MYO16: variants seen among roughly 807,000 people sequenced by gnomAD.
MYO16 encodes unconventional myosin-XVI.
A neutral mutation model predicts 205.3 loss-of-function variants in MYO16; 94 were observed. That is an observed-to-expected ratio of 0.46 (90% CI 0.39 to 0.54). The LOEUF (loss-of-function observed/expected upper bound fraction) is 0.54. MYO16 is among the 20% of genes least tolerant of loss of function. The pLI, the probability that MYO16 is intolerant of heterozygous loss-of-function variation, is 0.00. For synonymous variants in MYO16, 988 were observed against 954.0 expected, an observed-to-expected ratio of 1.04 and a Z score of -0.66; for missense variants, 2,315 against 2,387.5, an observed-to-expected ratio of 0.97 and a Z score of 0.63.
chr13:109,022,244 T>C lies in MYO16; in HGVS notation c.2796+2333T>C, dbSNP rs1285121490. On this transcript the variant is annotated intron_variant, in intron 23 of 34. Transcript: ENST00000457511. ...TATATATTATATATATGTATATATT[T>C]ATATATACAAATATATATACATATA... Among the ~76,000 whole-genome samples, 4 of 131,242 alleles carry C rather than the reference T, an allele frequency of 3.0e-5. No individual in the cohort carries two copies. The East Asian group carries it at 8.0e-4, about 26-fold the overall frequency. 86.1% of individuals were successfully genotyped at this position (131,242 alleles called of 152,430 possible). A position where few individuals can be genotyped will look rare whatever the true frequency, so the allele number is the denominator to read the frequency against.
chr13:109,108,340 G>T (rs1034292339), intron 28 of MYO16, among the ~76,000 whole-genome samples: 1 of 152,176 alleles, frequency 6.6e-6, no homozygotes, highest in African/African-American at 2.4e-5. Context: ...CAGTGCGTTT[G>T]GGTGATATGT....
intron 31 of MYO16, among the ~76,000 whole-genome samples, chr13:109,130,833 C>A (rs1390280182): frequency 6.6e-6 from 1 of 152,218 alleles, no homozygotes; most frequent in Non-Finnish European, 1.5e-5. Flanking sequence ...GCAGTAGCCA[C>A]TAGGCACACG....
At chr13:108,665,204 C>T (rs1397858709) in intron 1 of MYO16, among the ~76,000 whole-genome samples, 1 of 152,130 alleles carries the variant, frequency 6.6e-6, no homozygotes, top group Non-Finnish European at 1.5e-5. Flanking sequence ...CCCACCTCAG[C>T]CTCCAAGCAG....
At chr13:108,580,779 G>A in the MYO16 span, among the ~76,000 whole-genome samples, 1 of 152,214 alleles carries the variant, frequency 6.6e-6, no homozygotes, top group Non-Finnish European at 1.5e-5. Context: ...ACACAGTTCA[G>A]AGTACTTTAC....
At chr13:108,518,695 G>A in the MYO16 span, among the ~76,000 whole-genome samples, 14 of 151,966 alleles carry the variant, frequency 9.2e-5, no homozygotes, top group South Asian at 2.1e-4. Context: ...TCAAAACAAC[G>A]GAAAAAGTAA....
At chr13:108,931,409 C>T (rs1882248169) in intron 16 of MYO16, among the ~76,000 whole-genome samples, 1 of 152,196 alleles carries the variant, frequency 6.6e-6, no homozygotes, top group Non-Finnish European at 1.5e-5. Context: ...TCTCCTCCTC[C>T]TCCAAGAAAA....
chr13:108,703,978 C>T (rs1469002611), intron 2 of MYO16, among the ~76,000 whole-genome samples: 13 of 152,248 alleles, frequency 8.5e-5, no homozygotes, highest in Non-Finnish European at 1.3e-4. Flanking sequence ...AGTTTGGACA[C>T]GCACAGTGTG....
intron 20 of MYO16, among the ~76,000 whole-genome samples, chr13:108,984,134 C>T (rs552233514): frequency 4.5e-4 from 69 of 152,286 alleles, no homozygotes; most frequent in Admixed American, 1.9e-3. Flanking sequence ...TACTTTCTGC[C>T]ATAATGAATG....
At position 109,125,137 on chromosome 13, in the gene MYO16, G is replaced by A. The variant is rs1876183915; in HGVS notation, c.3561G>A (p.Gln1187=). The change falls in exon 30 of 35, where the codon CAG becomes CAA. Residue 1187 remains glutamine, a synonymous_variant. Transcript: ENST00000457511. This position sits in a 1 kb window ranked among gnomAD's most constrained non-coding sequence, Gnocchi z 4.0. The stretch of plus-strand genomic sequence containing the variant: ...TTATCAGAGGATTTTTAGCACGCCA[G>A]CACCTGCTTCAGAGAATAAGCATCA... ...QKVIRGFLAR[Q]HLLQRISIRQ... 1 of 1,614,114 alleles carries A rather than the reference G, an allele frequency of 6.2e-7. No individual in the cohort carries two copies. Among genetic ancestry groups the A allele is most frequent in the Non-Finnish European group, 8.5e-7 (1 of 1,180,002 alleles).
In MYO16 at chr13:109,040,385, CAGAGAG is replaced by C. The variant is rs146955371; in HGVS notation, c.2797-6505_2797-6500del. 3.5e-3 allele frequency among the ~76,000 whole-genome samples: 391 copies of C among 113,270 alleles called. 2 individuals are homozygous for C. The highest frequency in any genetic ancestry group is 7.4e-3 in the African/African-American group (230 of 31,272). 74.3% of individuals were successfully genotyped at this position (113,270 alleles called of 152,430 possible). On this transcript the variant is annotated intron_variant, in intron 23 of 34. Transcript: ENST00000457511. ...ATACACACACACACACACACACACA[CAGAGAG>C]AGAGAGAGAGAGAGAGAGAGAGAGA...
the MYO16 span, among the ~76,000 whole-genome samples, chr13:108,546,287 G>C: frequency 6.6e-6 from 1 of 152,248 alleles, no homozygotes; most frequent in East Asian, 1.9e-4. Context: ...ATTTCCAGAA[G>C]GCTGCCATCC....
chr13:108,918,143 A>G (rs1188072095), intron 16 of MYO16, among the ~76,000 whole-genome samples: 2 of 152,212 alleles, frequency 1.3e-5, no homozygotes, highest in Non-Finnish European at 2.9e-5. Flanking sequence ...CAAGAGAACT[A>G]TTTGCTAAAA....
intron 16 of MYO16, among the ~76,000 whole-genome samples, chr13:108,914,587 G>T (rs1163954031): frequency 6.6e-6 from 1 of 152,068 alleles, no homozygotes; most frequent in Non-Finnish European, 1.5e-5. Flanking sequence ...TGAGCTAAAG[G>T]CATATTCAAT....
intron 1 of MYO16, among the ~76,000 whole-genome samples, chr13:108,659,609 G>C (rs977154353): frequency 2.0e-5 from 3 of 152,174 alleles, no homozygotes; most frequent in Non-Finnish European, 2.9e-5. Flanking sequence ...GTAAGGAAAA[G>C]CAGTTAGATG....
chr13:108,500,462 T>C, the MYO16 span, among the ~76,000 whole-genome samples: 2 of 151,488 alleles, frequency 1.3e-5, no homozygotes, highest in African/African-American at 2.4e-5. Context: ...ACTCCTGACA[T>C]CGTGATCCAC....
At chr13:109,118,878 T>C (rs1875851170) in intron 28 of MYO16, among the ~76,000 whole-genome samples, 1 of 151,834 alleles carries the variant, frequency 6.6e-6, no homozygotes, top group African/African-American at 2.4e-5. Context: ...CACCCACTCA[T>C]GTTACTGTCT....
chr13:108,520,095 G>A, the MYO16 span, among the ~76,000 whole-genome samples: 1 of 151,938 alleles, frequency 6.6e-6, no homozygotes, highest in African/African-American at 2.4e-5. Flanking sequence ...TTCATTTTCC[G>A]TAGTTATGCT....
At chr13:108,580,949 C>G in the MYO16 span, among the ~76,000 whole-genome samples, 2 of 152,082 alleles carry the variant, frequency 1.3e-5, no homozygotes, top group African/African-American at 4.8e-5. Context: ...AATGAAAGTG[C>G]ATTAATTGTT....
intron 13 of MYO16, among the ~76,000 whole-genome samples, chr13:108,885,197 G>A (rs374972322): frequency 2.4e-4 from 37 of 152,296 alleles, no homozygotes; most frequent in African/African-American, 6.7e-4. Context: ...TCAGCTCACC[G>A]CTACCTCTGC....
Sources: gnomAD v4.1 joint callset for allele counts (sites outside exome capture counted in the v4.1 genomes callset) on GRCh38, gnomAD v4.1.1 for gene constraint, Gnocchi (gnomAD v3.1) non-coding constraint, MANE v1.5 for transcripts, NCBI Gene and HGNC (gene_info 2026-07-23, HGNC 2026-07-21) for gene names.